The following ATG9A variants were observed in gnomAD, a reference collection of about 807,000 sequenced individuals.
ATG9A encodes autophagy related 9A, also known as autophagy-related protein 9A.
Under a neutral mutation model 87.1 loss-of-function variants are expected in ATG9A, and 21 were observed. The observed-to-expected ratio is 0.24, with a 90% CI of 0.17 to 0.35. The LOEUF (loss-of-function observed/expected upper bound fraction) is 0.35, where lower values mean the gene tolerates loss of function less well. ATG9A is among the 10% of genes least tolerant of loss of function. ATG9A has a pLI of 1.00. For synonymous variants in ATG9A, 422 were observed against 441.3 expected, an observed-to-expected ratio of 0.96 and a Z score of 0.55; for missense variants, 836 against 1,107.3, an observed-to-expected ratio of 0.76 and a Z score of 3.48.
At chr2:219,226,773 G>A (rs1950869930) in intron 5 of ATG9A, 96 bp downstream of exon 5, 8 of 1,143,902 alleles carry the variant, frequency 7.0e-6, no homozygotes, top group South Asian at 1.2e-5. Flanking sequence ...GCCTAGGACT[G>A]AGTTGTACTG....
chr2:219,222,102 A>G lies in ATG9A; in HGVS notation c.2093T>C (p.Leu698Pro). Residue 698 changes from leucine (L) to proline (P), a missense_variant, in exon 13 of 16, where the codon CTG becomes CCG. By Grantham distance (98) the Leu-to-Pro change is moderately conservative. Coordinates refer to ENST00000361242, the MANE Select transcript of ATG9A (RefSeq NM_001077198.3). The surrounding 1 kb of genome is among the most constrained non-coding windows in gnomAD (Gnocchi z 4.3). ...CATCTCTGTGGATGCATATTCTGAC[A>G]GCACCAGGCTCTGCAGCTGTCCTTC... Reference protein sequence around the residue: ...VWEGQLQSLVLSEYASTEMSL... With the variant: ...VWEGQLQSLVPSEYASTEMSL... The G allele has an allele frequency of 1.2e-6, 2 of 1,614,088 alleles. No homozygotes were observed. The highest frequency in any genetic ancestry group is 1.7e-6 in the Non-Finnish European group (2 of 1,180,032).
At position 219,221,257 on chromosome 2, in the gene ATG9A, G is replaced by A. The variant is rs779637846; in HGVS notation, c.2191C>T (p.His731Tyr). The change falls in exon 14 of 16, where the codon CAC (histidine) becomes TAC (tyrosine). Residue 731 changes from histidine (H) to tyrosine (Y), a missense_variant. His to Tyr is a moderately conservative substitution (Grantham distance 83, BLOSUM62 2). This residue lies in a region of ATG9A where 324 missense variants were observed against 347.6 expected (regional missense o/e 0.93). Coordinates refer to ENST00000361242, the MANE Select transcript of ATG9A (RefSeq NM_001077198.3). ...CCACTCTCATCACTCTCCCGGCGGT[G>A]CCATACATGCCGCTCAGGTTCAGCC... ...AQAEPERHVW[H>Y]RRESDESGES... The A allele has an allele frequency of 3.2e-6, 5 of 1,572,046 alleles. No homozygotes were observed. Among genetic ancestry groups the A allele is most frequent in the Non-Finnish European group, 1.7e-6 (2 of 1,160,520 alleles).
At position 219,224,589 on chromosome 2, in the gene ATG9A, G is replaced by C. The variant is rs747801473; in HGVS notation, c.782C>G (p.Ser261Cys). 1.2e-6 allele frequency: 2 copies of C among 1,614,196 alleles called. No individual in the cohort carries two copies. Among genetic ancestry groups the C allele is most frequent in the Non-Finnish European group, 1.7e-6 (2 of 1,180,046 alleles). ...FELILFWGPGSLFLNEWSLKA... is the reference protein window; with the variant it reads ...FELILFWGPGCLFLNEWSLKA... ...GAGGCTCCATTCATTGAGAAACAGA[G>C]AGCCAGGTCCCCAGAAGAGGATCAG... Residue 261 changes from serine to cysteine, a missense_variant, in exon 8 of 16, where the codon TCT (serine) becomes TGT (cysteine). Around this residue, in one of 2 missense-constraint regions of ATG9A, gnomAD observed 512 missense variants for 759.6 expected, o/e 0.67. Transcript: ENST00000361242. This position sits in a 1 kb window ranked among gnomAD's most constrained non-coding sequence, Gnocchi z 7.7.
intron 13 of ATG9A, 118 bp downstream of exon 13, chr2:219,221,932 G>A: frequency 1.2e-6 from 1 of 858,972 alleles, no homozygotes; most frequent in Non-Finnish European, 1.8e-6. Context: ...AGGATATTAA[G>A]AAGGTAGATA....
intron 4 of ATG9A, among the ~76,000 whole-genome samples, chr2:219,227,495 G>C (rs1274820602): frequency 6.8e-6 from 1 of 146,240 alleles, no homozygotes; most frequent in African/African-American, 2.5e-5. Flanking sequence ...AGCAGCAACA[G>C]AGACAGACTC....
Position 219,221,092 on chromosome 2 carries a change from C to T in ATG9A, c.2356G>A (p.Gly786Ser), listed in dbSNP as rs776287843. ...CCCCACTGGATACCTGTGATGCCAC[C>T]GTAGCGCCTCTGGAAGCCCCCATGC... ...ALHGGFQRRY[G>S]GITDPGTVPR... Residue 786 changes from glycine (G) to serine (S), a missense_variant, in exon 14 of 16, where the codon GGT becomes AGT. By Grantham distance (56) the Gly-to-Ser change is moderately conservative. Coordinates refer to ENST00000361242, the MANE Select transcript of ATG9A (RefSeq NM_001077198.3). The T allele has an allele frequency of 8.7e-6, 14 of 1,612,850 alleles. No homozygotes were observed. Among genetic ancestry groups the T allele is most frequent in the African/African-American group, 5.3e-5 (4 of 74,848 alleles).
chr2:219,221,377 C>G, intron 13 of ATG9A, 75 bp from the exon 14 acceptor site: 15 of 1,369,786 alleles, frequency 1.1e-5, no homozygotes, highest in Non-Finnish European at 1.4e-5. Context: ...AACCTGGTAT[C>G]AGTCAGTTCC....
Position 219,220,178 on chromosome 2 carries a change from G to A in ATG9A, c.*269C>T. Reference sequence around the variant, plus strand: ...GGTGGCAGTACTGGGGCTGGGCTGGGGGCCAGTTTCTAGCACCACACTCTG... The same window carrying A: ...GGTGGCAGTACTGGGGCTGGGCTGGAGGCCAGTTTCTAGCACCACACTCTG... On this transcript the variant is annotated 3_prime_UTR_variant, in exon 16 of 16. Coordinates refer to ENST00000361242, the MANE Select transcript of ATG9A (RefSeq NM_001077198.3). 7.9e-6 allele frequency: 4 copies of A among 506,862 alleles called. No individual in the cohort carries two copies. Among genetic ancestry groups the A allele is most frequent in the Non-Finnish European group, 1.4e-5 (4 of 281,584 alleles). 31.4% of individuals were successfully genotyped at this position (506,862 alleles called of 1,614,324 possible).
rs772306266 is a variant in ATG9A, at chr2:219,223,822, G to A, written c.1419+47C>T. On this transcript the variant is annotated intron_variant, in intron 9 of 15. Transcript: ENST00000361242. The surrounding 1 kb of genome is among the most constrained non-coding windows in gnomAD (Gnocchi z 4.7). ...AGGAGGGAGCCCAGCCCTCACCACC[G>A]AGCTACCAGCCAGTCTCTAGCAGGC... 17 of 1,613,850 alleles carry A rather than the reference G, an allele frequency of 1.1e-5. No homozygotes were observed. The highest frequency in any genetic ancestry group is 7.7e-5 in the South Asian group (7 of 91,076).
intron 14 of ATG9A, 74 bp downstream of exon 14, chr2:219,221,006 C>T: frequency 6.3e-7 from 1 of 1,593,106 alleles, no homozygotes; most frequent in Non-Finnish European, 8.6e-7. Flanking sequence ...AGACCTCTTT[C>T]CTCCCCTTGA....
intron 4 of ATG9A, 81 bp downstream of exon 4, chr2:219,227,689 C>T (rs989655706): frequency 6.9e-5 from 105 of 1,529,040 alleles, no homozygotes; most frequent in Non-Finnish European, 9.4e-5. Flanking sequence ...AGAGTCAAAC[C>T]TACCCCCACC....
At chr2:219,225,350 C>T (rs1950839976) in intron 6 of ATG9A, 61 bp downstream of exon 6, 2 of 1,600,530 alleles carry the variant, frequency 1.2e-6, no homozygotes, top group East Asian at 2.2e-5. Context: ...AGACTCCACT[C>T]TATTACCCAC....
At position 219,229,095 on chromosome 2, in the gene ATG9A, C is replaced by A. The variant is rs1175090204; in HGVS notation, c.-82+440G>T. The A allele has an allele frequency of 6.6e-6, 1 of 152,230 alleles. No homozygotes were observed. Among genetic ancestry groups the A allele is most frequent in the Non-Finnish European group, 1.5e-5 (1 of 68,090 alleles). The allele number at this position is 152,230 out of a possible 1,614,324, so 9.4% of individuals were successfully genotyped here. ...CTGGGCTAGTGAGAGCCCTGCCCCT[C>A]AGGGAAGTCACCACTCACAGGGTCA... On this transcript the variant is annotated intron_variant, in intron 1 of 15. Coordinates refer to ENST00000361242, the MANE Select transcript of ATG9A (RefSeq NM_001077198.3). The surrounding 1 kb of genome is among the most constrained non-coding windows in gnomAD (Gnocchi z 4.2).
At chr2:219,220,651 T>G (rs1950734548) in intron 15 of ATG9A, 96 bp downstream of exon 15, 2 of 1,521,152 alleles carry the variant, frequency 1.3e-6, no homozygotes, top group Admixed American at 1.8e-5. Context: ...TATCTCTGTG[T>G]GGGGGTGGGG....
Position 219,221,078 on chromosome 2 carries a change from A to G in ATG9A, c.2368+2T>C. On this transcript the variant is annotated splice_donor_variant, in intron 14 of 15. Transcript: ENST00000361242. LOFTEE classifies it high-confidence loss of function. ...GTTTCCTCCTATACCCCCACTGGAT[A>G]CCTGTGATGCCACCGTAGCGCCTCT... The G allele has an allele frequency of 6.2e-7, 1 of 1,612,462 alleles. No individual in the cohort carries two copies. Among genetic ancestry groups the G allele is most frequent in the Non-Finnish European group, 8.5e-7 (1 of 1,179,376 alleles).
Position 219,220,784 on chromosome 2 carries a change from T to A in ATG9A, c.2477A>T (p.Glu826Val). 1.9e-6 allele frequency: 3 copies of A among 1,613,530 alleles called. No homozygotes were observed. The highest frequency in any genetic ancestry group is 3.3e-4 in the Middle Eastern group (2 of 6,036). The part of the protein sequence containing the change: ...ASRHPEPVPE[E>V]GSEDELPPQV... ...AGGGGGTAGCTCATCCTCCGAGCCC[T>A]CTTCGGGCACGGGCTCAGGGTGCCT... The change falls in exon 15 of 16, where the codon GAG becomes GTG. Residue 826 changes from glutamate (E) to valine (V), a missense_variant. Glu to Val is a moderately radical substitution (Grantham distance 121). This residue lies in a region of ATG9A where 324 missense variants were observed against 347.6 expected (regional missense o/e 0.93). Transcript: ENST00000361242.
chr2:219,226,737 GAACTACAAA>G, intron 5 of ATG9A, 123 bp downstream of exon 5: 1 of 811,238 alleles, frequency 1.2e-6, no homozygotes, highest in Non-Finnish European at 2.1e-6. Context: ...CCCAGTCCCT[GAACTACAAA>G]GGTTTACGGA....
rs762609003 is a variant in ATG9A, at chr2:219,224,192, G to T, written c.1179C>A (p.Ala393=). Residue 393 remains alanine, a synonymous_variant, in exon 8 of 16, where the codon GCC becomes GCA. Transcript: ENST00000361242. The surrounding 1 kb of genome is among the most constrained non-coding windows in gnomAD (Gnocchi z 7.7). The part of the protein sequence containing the change: ...FAGSILAVLI[A]LTIYDEDVLA... Reference sequence around the variant, plus strand: ...ACACATCTTCGTCATAAATGGTGAGGGCAATAAGCACAGCCAGGATGGAGC... The same window carrying T: ...ACACATCTTCGTCATAAATGGTGAGTGCAATAAGCACAGCCAGGATGGAGC... The T allele has an allele frequency of 4.3e-6, 7 of 1,613,652 alleles. No individual in the cohort carries two copies. Among genetic ancestry groups the T allele is most frequent in the Non-Finnish European group, 5.9e-6 (7 of 1,180,048 alleles).
At chr2:219,220,556 C>T (rs1950730602) in intron 15 of ATG9A, 104 bp from the exon 16 acceptor site, 2 of 1,554,102 alleles carry the variant, frequency 1.3e-6, no homozygotes, top group African/African-American at 1.4e-5. Context: ...AGGTTGATTC[C>T]TGGGGAGGTA....
Sources: allele counts gnomAD v4.1 joint callset (sites outside exome capture counted in the v4.1 genomes callset), GRCh38; gene constraint gnomAD v4.1.1; regional missense constraint gnomAD v4.1.1; non-coding constraint Gnocchi (gnomAD v3.1); transcripts MANE v1.5; gene names NCBI Gene and HGNC (gene_info 2026-07-23, HGNC 2026-07-21).